The following PTPRQ variants were observed in gnomAD, a reference collection of about 807,000 sequenced individuals.
The protein encoded by PTPRQ is phosphatidylinositol phosphatase PTPRQ.
A neutral mutation model predicts 246.0 loss-of-function variants in PTPRQ; 199 were observed. The observed-to-expected ratio is 0.81, with a 90% CI of 0.72 to 0.91. The LOEUF (loss-of-function observed/expected upper bound fraction) is 0.91. PTPRQ is among the 40% of genes least tolerant of loss of function. The probability of loss-of-function intolerance (pLI) is 0.00; values close to 1 mark genes in which losing one functional copy is unlikely to be tolerated. For synonymous variants in PTPRQ, 869 were observed against 853.2 expected, an observed-to-expected ratio of 1.02 and a Z score of -0.32; for missense variants, 2,624 against 2,528.4, an observed-to-expected ratio of 1.04 and a Z score of -0.81.
intron 25 of PTPRQ, among the ~76,000 whole-genome samples, chr12:80,581,211 A>G (rs1260539588): frequency 6.6e-6 from 1 of 152,178 alleles, no homozygotes; most frequent in African/African-American, 2.4e-5. Context: ...AGGGAGAGAA[A>G]ATTGAAACAT....
At position 80,582,705 on chromosome 12, in the gene PTPRQ, T is replaced by G. The variant is rs964496602; in HGVS notation, c.4286-5424T>G. 4.6e-5 allele frequency among the ~76,000 whole-genome samples: 7 copies of G among 152,092 alleles called. No individual in the cohort carries two copies. The South Asian group carries it at 8.3e-4, about 18-fold the overall frequency. On this transcript the variant is annotated intron_variant, in intron 25 of 44. Transcript: ENST00000644991. ...AATCACTCAGTCTATAGTAACTTGCTACAGCAGCCAAACTAAGACAGTCAC... is the reference window on the plus strand; with the variant it reads ...AATCACTCAGTCTATAGTAACTTGCGACAGCAGCCAAACTAAGACAGTCAC...
Position 80,669,224 on chromosome 12 carries a change from T to C in PTPRQ, c.6327+83T>C, listed in dbSNP as rs1220204017. 3.9e-6 allele frequency: 6 copies of C among 1,528,282 alleles called. No individual in the cohort carries two copies. The East Asian group carries it at 1.5e-4, about 38-fold the overall frequency. 94.7% of individuals were successfully genotyped at this position (1,528,282 alleles called of 1,614,324 possible). ...TGAATATTTCATCTAATACTGTGAGTCATCAATAACCTGGACATCTATAAA... is the reference window on the plus strand; with the variant it reads ...TGAATATTTCATCTAATACTGTGAGCCATCAATAACCTGGACATCTATAAA... On this transcript the variant is annotated intron_variant, in intron 40 of 44. Coordinates refer to ENST00000644991, the MANE Select transcript of PTPRQ (RefSeq NM_001145026.2).
At chr12:80,508,641 TTTTC>T (rs1895035801) in intron 16 of PTPRQ, among the ~76,000 whole-genome samples, 1 of 152,046 alleles carries the variant, frequency 6.6e-6, no homozygotes, top group Non-Finnish European at 1.5e-5. Context: ...AAGTTCTAAT[TTTTC>T]TAGTTTCAAT....
chr12:80,631,204 C>T (rs1338375020), intron 33 of PTPRQ, among the ~76,000 whole-genome samples: 1 of 152,046 alleles, frequency 6.6e-6, no homozygotes, highest in African/African-American at 2.4e-5. Context: ...AGGAGATGGT[C>T]TAGTTATAGC....
intron 42 of PTPRQ, among the ~76,000 whole-genome samples, chr12:80,672,912 A>G (rs1278301192): frequency 3.9e-5 from 6 of 152,100 alleles, no homozygotes; most frequent in Admixed American, 3.9e-4. Context: ...AAATATTAAG[A>G]AATAAGAGGT....
intron 8 of PTPRQ, among the ~76,000 whole-genome samples, chr12:80,481,236 A>T (rs1894041219): frequency 6.6e-6 from 1 of 152,194 alleles, no homozygotes; most frequent in Admixed American, 6.5e-5. Context: ...AAATCAATAA[A>T]CATAATCCAG....
chr12:80,643,501 A>G (rs1899964958), intron 35 of PTPRQ, among the ~76,000 whole-genome samples: 2 of 152,146 alleles, frequency 1.3e-5, no homozygotes, highest in African/African-American at 2.4e-5. Flanking sequence ...ATAAAATTTT[A>G]GAATCAGCTG....
intron 17 of PTPRQ, among the ~76,000 whole-genome samples, chr12:80,530,200 AC>A (rs1895804265): frequency 6.6e-6 from 1 of 151,918 alleles, no homozygotes; most frequent in African/African-American, 2.4e-5. Context: ...CTTTTTTTAT[AC>A]TGTGGTCACA....
rs1460849888 is a variant in PTPRQ, at chr12:80,468,822, A to T, written c.1023A>T (p.Glu341Asp). 7.1e-6 allele frequency: 11 copies of T among 1,549,018 alleles called. No homozygotes were observed. The highest frequency in any genetic ancestry group is 7.9e-6 in the Non-Finnish European group (9 of 1,145,866). ...IVTGKFSYRV[E>D]LYGPSGRILD... ...CAGGGAAATTTAGTTATAGAGTTGA[A>T]TTATATGGACCATCAGGTAAGCCTT... The change falls in exon 7 of 45, where the codon GAA becomes GAT. Residue 341 changes from glutamate (E) to aspartate (D), a missense_variant. By Grantham distance (45) the Glu-to-Asp change is conservative (BLOSUM62 2). Transcript: ENST00000644991.
At position 80,625,339 on chromosome 12, in the gene PTPRQ, T is replaced by TAG. The variant is rs1899158898; in HGVS notation, c.5686+3206_5686+3207insGA. Among the ~76,000 whole-genome samples, 6 of 129,646 alleles carry TAG rather than the reference T, an allele frequency of 4.6e-5. 1 individual carries two copies. Among genetic ancestry groups the TAG allele is most frequent in the African/African-American group, 1.9e-4 (6 of 31,200 alleles). 85.1% of individuals were successfully genotyped at this position (129,646 alleles called of 152,430 possible). On this transcript the variant is annotated intron_variant, in intron 33 of 44. Transcript: ENST00000644991. ...CATATGTGTGCATGTAATCCCAGACTACAGAGAGAAGTCTAGGTCCCATCA... is the reference window on the plus strand; with the variant it reads ...CATATGTGTGCATGTAATCCCAGACTAGACAGAGAGAAGTCTAGGTCCCATCA...
At chr12:80,611,321 G>C (rs1433828218) in intron 28 of PTPRQ, among the ~76,000 whole-genome samples, 1 of 150,408 alleles carries the variant, frequency 6.6e-6, no homozygotes, top group Non-Finnish European at 1.5e-5. Context: ...AAAAGCAGAT[G>C]AAGGGATATG....
chr12:80,447,762 T>C (rs1892598306), intron 3 of PTPRQ, among the ~76,000 whole-genome samples: 1 of 152,108 alleles, frequency 6.6e-6, no homozygotes, highest in Non-Finnish European at 1.5e-5. Context: ...AAAGTATATC[T>C]GTATTTTTCT....
At chr12:80,667,753 C>T (rs1873207219) in intron 39 of PTPRQ, among the ~76,000 whole-genome samples, 1 of 151,846 alleles carries the variant, frequency 6.6e-6, no homozygotes, top group Non-Finnish European at 1.5e-5. Context: ...ATTCTACTTT[C>T]TATTATGTAT....
rs1382795199 is a variant in PTPRQ at position 80,468,789 on chromosome 12, T to C, written c.990T>C (p.Thr330=). ...TTTCAATTTTATGGGACCCACCAAC[T>C]ATAGTAACAGGGAAATTTAGTTATA... ...KSFSILWDPP[T]IVTGKFSYRV... is the part of the protein sequence containing the mutation. Residue 330 remains threonine (T), a synonymous_variant, in exon 7 of 45, where the codon ACT becomes ACC. Coordinates refer to ENST00000644991, the MANE Select transcript of PTPRQ (RefSeq NM_001145026.2). The C allele has an allele frequency of 1.3e-6, 2 of 1,550,314 alleles. No individual in the cohort carries two copies. Among genetic ancestry groups the C allele is most frequent in the Non-Finnish European group, 1.7e-6 (2 of 1,146,328 alleles).
At chr12:80,568,376 A>T (rs940250085) in intron 25 of PTPRQ, among the ~76,000 whole-genome samples, 6 of 152,152 alleles carry the variant, frequency 3.9e-5, no homozygotes, top group Non-Finnish European at 8.8e-5. Context: ...ATCAGTTTTC[A>T]ATATTTTATC....
chr12:80,658,726 A>G (rs1900530672), intron 39 of PTPRQ, among the ~76,000 whole-genome samples: 2 of 151,888 alleles, frequency 1.3e-5, no homozygotes, highest in Admixed American at 6.6e-5. Context: ...ATGTCTCTTT[A>G]TATTCTTACC....
chr12:80,461,272 C>T (rs542832882), intron 6 of PTPRQ, among the ~76,000 whole-genome samples: 137 of 152,242 alleles, frequency 9.0e-4, no homozygotes, highest in African/African-American at 3.2e-3. Flanking sequence ...GAAATACCTG[C>T]ACTAGCAGAA....
chr12:80,522,675 G>T (rs1178245445), intron 17 of PTPRQ, among the ~76,000 whole-genome samples: 1 of 152,076 alleles, frequency 6.6e-6, no homozygotes, highest in African/African-American at 2.4e-5. Flanking sequence ...TTATTGATTT[G>T]CATATGTGGA....
intron 14 of PTPRQ, among the ~76,000 whole-genome samples, chr12:80,505,105 G>A (rs532428044): frequency 1.3e-5 from 2 of 151,918 alleles, no homozygotes; most frequent in African/African-American, 4.8e-5. Flanking sequence ...CTTTCAGCGG[G>A]CCCCAGGGTT....
Sources: gnomAD v4.1 joint callset for allele counts (sites outside exome capture counted in the v4.1 genomes callset) on GRCh38, gnomAD v4.1.1 for gene constraint, MANE v1.5 for transcripts, NCBI Gene and HGNC (gene_info 2026-07-23, HGNC 2026-07-21) for gene names.